Variants in PITPNC1 observed in about 807,000 individuals in gnomAD.
PITPNC1 encodes the protein cytoplasmic phosphatidylinositol transfer protein 1.
In PITPNC1, 18 loss-of-function variants were observed where a neutral mutation model predicts 44.7. The observed-to-expected ratio is 0.40, with a 90% CI of 0.28 to 0.60. The LOEUF (loss-of-function observed/expected upper bound fraction) is 0.60. Among genes scored for constraint, PITPNC1 ranks in the 20% least tolerant of loss-of-function variants. PITPNC1 has a pLI of 0.39. For missense variants in PITPNC1, 290 were observed against 418.4 expected (o/e 0.69, Z 2.68); for synonymous variants, 141 against 149.6 (o/e 0.94, Z 0.42).
At chr17:67,495,752 G>A (rs978838628) in intron 1 of PITPNC1, among the ~76,000 whole-genome samples, 2 of 152,232 alleles carry the variant, frequency 1.3e-5, no homozygotes, top group African/African-American at 2.4e-5. Context: ...TCCATGAGCT[G>A]TGGAGATGTT....
intron 1 of PITPNC1, among the ~76,000 whole-genome samples, chr17:67,406,429 G>T (rs969852159): frequency 2.0e-5 from 3 of 152,094 alleles, no homozygotes; most frequent in Non-Finnish European, 4.4e-5. Flanking sequence ...TTATGGATTT[G>T]CCTATTCTGG....
At chr17:67,463,868 T>C (rs1182593685) in intron 1 of PITPNC1, among the ~76,000 whole-genome samples, 2 of 150,954 alleles carry the variant, frequency 1.3e-5, no homozygotes, top group Non-Finnish European at 2.9e-5. Flanking sequence ...CACTCCAGTG[T>C]GAGTGACAGA....
chr17:67,579,996 A>G (rs1037217102), intron 5 of PITPNC1, among the ~76,000 whole-genome samples: 2 of 152,306 alleles, frequency 1.3e-5, no homozygotes, highest in Middle Eastern at 3.4e-3. Flanking sequence ...AAAAGAAAGT[A>G]TTGAAAAAAG....
intron 5 of PITPNC1, among the ~76,000 whole-genome samples, chr17:67,595,669 C>CT (rs1410623385): frequency 6.6e-6 from 1 of 152,160 alleles, no homozygotes; most frequent in Non-Finnish European, 1.5e-5. Context: ...ACTTGATCTT[C>CT]TGAGACTGAT....
At chr17:67,467,054 ATTTTTTTTTT>A (rs10623552) in intron 1 of PITPNC1, among the ~76,000 whole-genome samples, 3 of 95,342 alleles carry the variant, frequency 3.1e-5, no homozygotes, top group African/African-American at 7.9e-5. Context: ...CAGTTAGGAG[ATTTTTTTTTT>A]TTTTTTTTTT....
At chr17:67,450,678 CA>C (rs1403668075) in intron 1 of PITPNC1, among the ~76,000 whole-genome samples, 1 of 152,146 alleles carries the variant, frequency 6.6e-6, no homozygotes, top group African/African-American at 2.4e-5. Flanking sequence ...CCACCCGCAT[CA>C]GACTCCCAGA....
At chr17:67,379,001 T>G (rs1248214830) in intron 1 of PITPNC1, 1 of 985,284 alleles carries the variant, frequency 1.0e-6, no homozygotes, top group East Asian at 1.1e-4. Flanking sequence ...CTTCTCCCGA[T>G]CCTGCGAAGC....
At chr17:67,449,710 G>T (rs570557888) in intron 1 of PITPNC1, among the ~76,000 whole-genome samples, 1 of 152,180 alleles carries the variant, frequency 6.6e-6, no homozygotes, top group African/African-American at 2.4e-5. Flanking sequence ...AGGACAAAAA[G>T]TTGTCATATA....
intron 1 of PITPNC1, among the ~76,000 whole-genome samples, chr17:67,494,242 T>A (rs1473085135): frequency 6.7e-6 from 1 of 149,838 alleles, no homozygotes; most frequent in African/African-American, 2.5e-5. Flanking sequence ...GCTCTGTTAC[T>A]CAGACTGGAG....
intron 1 of PITPNC1, among the ~76,000 whole-genome samples, chr17:67,407,403 C>G (rs2038416134): frequency 6.6e-6 from 1 of 152,152 alleles, no homozygotes; most frequent in Non-Finnish European, 1.5e-5. Flanking sequence ...GTTCTCGATG[C>G]TAGACCCTCA....
chr17:67,393,490 T>C (rs1334667142), intron 1 of PITPNC1, among the ~76,000 whole-genome samples: 4 of 152,110 alleles, frequency 2.6e-5, no homozygotes, highest in Non-Finnish European at 5.9e-5. Flanking sequence ...TAATGGAAGC[T>C]CATAAGAATT....
chr17:67,527,675 T>C (rs993433060), intron 1 of PITPNC1, among the ~76,000 whole-genome samples: 1 of 151,896 alleles, frequency 6.6e-6, no homozygotes, highest in African/African-American at 2.4e-5. Flanking sequence ...CACTCCAGCC[T>C]GGGAGACAGA....
chr17:67,616,489 T>C (rs1445680283), intron 5 of PITPNC1, among the ~76,000 whole-genome samples: 1 of 152,162 alleles, frequency 6.6e-6, no homozygotes, highest in Non-Finnish European at 1.5e-5. Context: ...GATTAGAACG[T>C]TGTTTTTCCA....
At chr17:67,411,339 C>G (rs547240681) in intron 1 of PITPNC1, among the ~76,000 whole-genome samples, 1 of 152,096 alleles carries the variant, frequency 6.6e-6, no homozygotes, top group Admixed American at 6.5e-5. Context: ...TGGGGCAAAT[C>G]TACAGCTTAT....
chr17:67,404,435 CATT>C (rs1190666001), intron 1 of PITPNC1, among the ~76,000 whole-genome samples: 10 of 152,162 alleles, frequency 6.6e-5, no homozygotes, highest in African/African-American at 1.7e-4. Flanking sequence ...TTTAAGATGT[CATT>C]ATATGAATAT....
intron 6 of PITPNC1, among the ~76,000 whole-genome samples, chr17:67,635,251 G>T (rs994519587): frequency 6.6e-6 from 1 of 152,168 alleles, no homozygotes; most frequent in Non-Finnish European, 1.5e-5. Context: ...CGTGGCTTGC[G>T]CTAGAGGGCT....
rs955244220 is a variant in PITPNC1 at position 67,551,059 on chromosome 17, TCAAAACAAAA to T, written c.198-1183_198-1174del. Among the ~76,000 whole-genome samples the T allele has an allele frequency of 4.7e-4, 72 of 152,038 alleles. 1 individual carries two copies. Among genetic ancestry groups the T allele is most frequent in the African/African-American group, 1.6e-3 (67 of 41,498 alleles). On this transcript the variant is annotated intron_variant, in intron 2 of 8. Transcript: ENST00000581322. ...CTGGGTGACAGAGCGAGACTCCGTG[TCAAAACAAAA>T]CAAAACAAAACAAACAAAAAAGTGA...
intron 1 of PITPNC1, among the ~76,000 whole-genome samples, chr17:67,475,931 C>T (rs7350910): frequency 0.1 from 15,213 of 152,064 alleles, 962 homozygotes; most frequent in Non-Finnish European, 0.14. Flanking sequence ...CGGTCTCTAA[C>T]GTAAAAAAAC....
intron 6 of PITPNC1, among the ~76,000 whole-genome samples, chr17:67,659,444 C>T (rs1466552367): frequency 6.6e-6 from 1 of 152,188 alleles, no homozygotes; most frequent in Non-Finnish European, 1.5e-5. Context: ...CTTGGGCCTC[C>T]TCATATCATG....
Sources: gnomAD v4.1 joint callset for allele counts (sites outside exome capture counted in the v4.1 genomes callset) on GRCh38, gnomAD v4.1.1 for gene constraint, MANE v1.5 for transcripts, NCBI Gene and HGNC (gene_info 2026-07-23, HGNC 2026-07-21) for gene names.